The following DCDC2 variants were observed in gnomAD, a reference collection of about 807,000 sequenced individuals.
DCDC2 encodes doublecortin domain-containing protein 2.
DCDC2 carries 40 observed loss-of-function variants against 50.2 expected under a neutral mutation model. The observed-to-expected ratio is 0.80, with a 90% CI of 0.62 to 1.04. The LOEUF (loss-of-function observed/expected upper bound fraction) is 1.04, where lower values mean the gene tolerates loss of function less well. DCDC2 is among the 50% of genes least tolerant of loss of function. The pLI is 0.00. For missense variants in DCDC2, 570 were observed against 581.9 expected (o/e 0.98, Z 0.21); for synonymous variants, 234 against 210.6 (o/e 1.11, Z -0.96).
chr6:24,225,702 T>TCACACA (rs542318921), intron 7 of DCDC2, among the ~76,000 whole-genome samples: 5 of 151,788 alleles, frequency 3.3e-5, no homozygotes, highest in South Asian at 2.1e-4. Flanking sequence ...TAGAAAGTTT[T>TCACACA]CACACACACA....
rs145194791 is a variant in DCDC2, at chr6:24,289,837, T to C, written c.705-931A>G. On this transcript the variant is annotated intron_variant, in intron 5 of 9. Coordinates refer to ENST00000378454, the MANE Select transcript of DCDC2 (RefSeq NM_016356.5). The stretch of plus-strand genomic sequence containing the variant: ...CACTGGTGATATTCTGCTCTACTTC[T>C]GCGGACGACAACCAAAAAAAATTTT... 8.1e-4 allele frequency among the ~76,000 whole-genome samples: 123 copies of C among 152,212 alleles called. No homozygotes were observed. In the East Asian group the frequency reaches 0.015, roughly 19 times the overall value.
chr6:24,291,013 A>C lies in DCDC2; in HGVS notation c.623T>G (p.Val208Gly). The change falls in exon 5 of 10, where the codon GTG (valine) becomes GGG (glycine). Residue 208 changes from valine (V) to glycine (G), a missense_variant. Val to Gly is a moderately radical substitution (Grantham distance 109). Coordinates refer to ENST00000378454, the MANE Select transcript of DCDC2 (RefSeq NM_016356.5). ...GAELENGQFY[V>G]AVGRDKFKKL... ...CTTAAACTTATCTCTGCCAACAGCCACATAAAACTGCCCATTCTCCAACTC... is the reference window on the plus strand; with the variant it reads ...CTTAAACTTATCTCTGCCAACAGCCCCATAAAACTGCCCATTCTCCAACTC... 1 of 1,614,056 alleles carries C rather than the reference A, an allele frequency of 6.2e-7. No individual in the cohort carries two copies. Among genetic ancestry groups the C allele is most frequent in the African/African-American group, 1.3e-5 (1 of 75,056 alleles).
chr6:24,336,416 C>A (rs793704), intron 2 of DCDC2, among the ~76,000 whole-genome samples: 1 of 151,924 alleles, frequency 6.6e-6, no homozygotes, highest in Non-Finnish European at 1.5e-5. Context: ...TTATGCAAAC[C>A]CTAAACATGT....
At chr6:24,339,960 C>T (rs553603470) in intron 2 of DCDC2, among the ~76,000 whole-genome samples, 3 of 152,216 alleles carry the variant, frequency 2.0e-5, no homozygotes, top group South Asian at 2.1e-4. Flanking sequence ...TATGATTATA[C>T]ATAAGGAAAT....
At chr6:24,286,274 C>T (rs3789226) in intron 6 of DCDC2, among the ~76,000 whole-genome samples, 17,357 of 152,160 alleles carry the variant, frequency 0.11, 1,090 homozygotes, top group Middle Eastern at 0.17. Context: ...TGCTGTTCAA[C>T]TAGGACCATT....
At chr6:24,302,610 G>A (rs1001644130) in intron 2 of DCDC2, among the ~76,000 whole-genome samples, 3 of 151,798 alleles carry the variant, frequency 2.0e-5, no homozygotes, top group African/African-American at 7.3e-5. Flanking sequence ...CTCAATTCCC[G>A]CAGCCCTTGC....
At chr6:24,379,054 A>C in the DCDC2 span, among the ~76,000 whole-genome samples, 11 of 152,040 alleles carry the variant, frequency 7.2e-5, no homozygotes, top group African/African-American at 2.2e-4. Flanking sequence ...CTCAAGATGG[A>C]TTAAAGACTT....
chr6:24,359,523 TTATA>T (rs1477352697), upstream of DCDC2, among the ~76,000 whole-genome samples: 6 of 106,400 alleles, frequency 5.6e-5, no homozygotes, highest in African/African-American at 2.3e-4. Context: ...TATATATATT[TTATA>T]TATATTTTTT....
rs949068703 is a variant in DCDC2 at position 24,258,586 on chromosome 6, G to A, written c.922+19463C>T. Among the ~76,000 whole-genome samples the A allele has an allele frequency of 4.6e-5, 7 of 152,228 alleles. No homozygotes were observed. In the South Asian group the frequency reaches 8.3e-4, roughly 18 times the overall value. The stretch of plus-strand genomic sequence containing the variant: ...GAAGTCCAGCTGGCTTCACCTCTCC[G>A]TAGCACCACAATATGGAAACTACTG... On this transcript the variant is annotated intron_variant, in intron 7 of 9. Transcript: ENST00000378454.
chr6:24,311,607 G>T (rs1416650812), intron 2 of DCDC2, among the ~76,000 whole-genome samples: 1 of 152,076 alleles, frequency 6.6e-6, no homozygotes, highest in East Asian at 1.9e-4. Context: ...TTTACAAAAG[G>T]TTTTCATTTA....
At chr6:24,212,143 G>A (rs1425423133) in intron 7 of DCDC2, among the ~76,000 whole-genome samples, 2 of 152,134 alleles carry the variant, frequency 1.3e-5, no homozygotes, top group Admixed American at 6.5e-5. Flanking sequence ...CGCTCCTTAC[G>A]AGAGTCTAAC....
At chr6:24,348,641 G>A (rs1760310366) in intron 2 of DCDC2, among the ~76,000 whole-genome samples, 1 of 152,100 alleles carries the variant, frequency 6.6e-6, no homozygotes, top group South Asian at 2.1e-4. Context: ...TAATCAAGTT[G>A]TAGAAAAAGA....
chr6:24,346,384 TACA>T (rs1045759551), intron 2 of DCDC2, among the ~76,000 whole-genome samples: 2 of 152,098 alleles, frequency 1.3e-5, no homozygotes, highest in Non-Finnish European at 2.9e-5. Flanking sequence ...AGTGGGGAAG[TACA>T]ACATCATGTA....
chr6:24,192,463 A>G (rs896577123), intron 8 of DCDC2, among the ~76,000 whole-genome samples: 6 of 152,156 alleles, frequency 3.9e-5, no homozygotes, highest in Admixed American at 1.3e-4. Flanking sequence ...TCTGACATGG[A>G]TACAGAGATC....
At chr6:24,198,823 G>A (rs2113756767) in intron 8 of DCDC2, among the ~76,000 whole-genome samples, 1 of 152,298 alleles carries the variant, frequency 6.6e-6, no homozygotes, top group East Asian at 1.9e-4. Flanking sequence ...CTTGGTGGGG[G>A]GAGGGATGTC....
chr6:24,252,185 C>T (rs749672988), intron 7 of DCDC2, among the ~76,000 whole-genome samples: 32 of 152,336 alleles, frequency 2.1e-4, no homozygotes, highest in Middle Eastern at 6.8e-3. Context: ...AAGTTCCCTA[C>T]AAAGCCATTC....
Position 24,174,822 on chromosome 6 carries a change from G to A in DCDC2, c.1339C>T (p.Pro447Ser). The A allele has an allele frequency of 1.2e-6, 2 of 1,611,420 alleles. No individual in the cohort carries two copies. The highest frequency in any genetic ancestry group is 1.7e-6 in the Non-Finnish European group (2 of 1,178,370). Residue 447 changes from proline to serine, a missense_variant, in exon 10 of 10, where the codon CCT becomes TCT. Transcript: ENST00000378454. ...ACTTCTGGCCTTGGTGGTCTTTGAGGGTCTACATCAGCCTAGAAGAAAATA... is the reference window on the plus strand; with the variant it reads ...ACTTCTGGCCTTGGTGGTCTTTGAGAGTCTACATCAGCCTAGAAGAAAATA... Reference protein sequence around the residue: ...GSGQDEADVDPQRPPRPEVKI... With the variant: ...GSGQDEADVDSQRPPRPEVKI...
intron 2 of DCDC2, among the ~76,000 whole-genome samples, chr6:24,312,006 C>T (rs934649779): frequency 4.6e-5 from 7 of 152,330 alleles, no homozygotes; most frequent in African/African-American, 1.7e-4. Flanking sequence ...CCTGCCTTAA[C>T]TGATGACATT....
chr6:24,266,379 C>A (rs1377568531), intron 7 of DCDC2, among the ~76,000 whole-genome samples: 2 of 152,024 alleles, frequency 1.3e-5, no homozygotes, highest in African/African-American at 4.8e-5. Flanking sequence ...AGTGAAGAGA[C>A]AACCCACAGA....
Sources: allele counts gnomAD v4.1 joint callset (sites outside exome capture counted in the v4.1 genomes callset), GRCh38; gene constraint gnomAD v4.1.1; transcripts MANE v1.5; gene names NCBI Gene and HGNC (gene_info 2026-07-23, HGNC 2026-07-21).